Variants in CACNA1G observed in about 807,000 individuals in gnomAD.
CACNA1G encodes voltage-dependent T-type calcium channel subunit alpha-1G.
CACNA1G carries 67 observed loss-of-function variants against 219.4 expected under a neutral mutation model. That is an observed-to-expected ratio of 0.31 (90% CI 0.25 to 0.37). CACNA1G has a LOEUF of 0.37. Ranked by LOEUF, CACNA1G falls within the 10% of genes least tolerant of loss-of-function variation. CACNA1G has a pLI of 1.00. For synonymous variants in CACNA1G, 1,296 were observed against 1,345.3 expected (o/e 0.96, Z 0.80); for missense variants, 2,380 against 3,231.4 (o/e 0.74, Z 6.39).
chr17:50,627,244 T>C lies in CACNA1G; in HGVS notation c.*493T>C, dbSNP rs2053954425. 1 of 453,992 alleles carries C rather than the reference T, an allele frequency of 2.2e-6. No homozygotes were observed. Among genetic ancestry groups the C allele is most frequent in the Non-Finnish European group, 4.4e-6 (1 of 226,844 alleles). The allele number at this position is 453,992 out of a possible 1,614,324, so 28.1% of individuals were successfully genotyped here. On this transcript the variant is annotated 3_prime_UTR_variant, in exon 38 of 38. Transcript: ENST00000359106. ...AGCACAAGCTGGGACCGCGAGCACATTGCAGCCCCAACGGTGGCCCATCTT... is the reference window on the plus strand; with the variant it reads ...AGCACAAGCTGGGACCGCGAGCACACTGCAGCCCCAACGGTGGCCCATCTT...
At chr17:50,597,308 G>A (rs1442150377) in intron 16 of CACNA1G, among the ~76,000 whole-genome samples, 3 of 152,012 alleles carry the variant, frequency 2.0e-5, no homozygotes, top group East Asian at 3.9e-4. Context: ...ACACTACTCC[G>A]AAGCATTCTA....
At chr17:50,623,701 C>T (rs1449232964) in intron 35 of CACNA1G, among the ~76,000 whole-genome samples, 1 of 152,162 alleles carries the variant, frequency 6.6e-6, no homozygotes, top group Non-Finnish European at 1.5e-5. Context: ...CCCCTCCTAC[C>T]TGCTTCCTCC....
rs1238555542 is a variant in CACNA1G at position 50,561,466 on chromosome 17, G to A, written c.7G>A (p.Glu3Lys). The A allele has an allele frequency of 4.6e-6, 7 of 1,534,338 alleles. No individual in the cohort carries two copies. Among genetic ancestry groups the A allele is most frequent in the Non-Finnish European group, 6.1e-6 (7 of 1,146,538 alleles). The stretch of plus-strand genomic sequence containing the variant: ...GGCCCCGGCTGGCCAGAGGATGGAC[G>A]AGGAGGAGGATGGAGCGGGCGCCGA... Reference protein sequence around the residue: MDEEEDGAGAEES... With the variant: MDKEEDGAGAEES... Residue 3 changes from glutamate to lysine, a missense_variant, in exon 1 of 38, where the codon GAG becomes AAG. Physicochemically the swap from Glu to Lys is moderately conservative, Grantham distance 56 (BLOSUM62 1). Transcript: ENST00000359106.
Position 50,596,526 on chromosome 17 carries a change from C to A in CACNA1G, c.2980-36C>A, listed in dbSNP as rs1157592328. The A allele has an allele frequency of 1.3e-6, 2 of 1,583,916 alleles. No individual in the cohort carries two copies. Among genetic ancestry groups the A allele is most frequent in the South Asian group, 1.1e-5 (1 of 90,366 alleles). ...GTCCATCCCAACCACCCAAGCCTGG[C>A]CGGATCCCTAATGGTCCGCTGCTCC... is the stretch of plus-strand genomic sequence containing the variant. On this transcript the variant is annotated intron_variant, in intron 14 of 37. Coordinates refer to ENST00000359106, the MANE Select transcript of CACNA1G (RefSeq NM_018896.5). The surrounding 1 kb of genome is among the most constrained non-coding windows in gnomAD (Gnocchi z 4.8).
chr17:50,624,587 G>C, intron 37 of CACNA1G, 58 bp downstream of exon 37: 1 of 1,435,748 alleles, frequency 7.0e-7, no homozygotes, highest in Middle Eastern at 1.8e-4. Flanking sequence ...TGCTGCTGGT[G>C]ATGACCTGTG....
At chr17:50,611,955 C>T (rs1295078006) in intron 26 of CACNA1G, among the ~76,000 whole-genome samples, 1 of 152,244 alleles carries the variant, frequency 6.6e-6, no homozygotes, top group Non-Finnish European at 1.5e-5. Context: ...CACACGCAGG[C>T]ATGTACACCA....
chr17:50,604,071 G>T, intron 21 of CACNA1G, 84 bp from the exon 22 acceptor site: 1 of 1,440,916 alleles, frequency 6.9e-7, no homozygotes, highest in Non-Finnish European at 9.3e-7. Flanking sequence ...AGTGGTCAAG[G>T]TTGGGGGTGG....
chr17:50,617,502 G>A lies in CACNA1G; in HGVS notation c.5086G>A (p.Glu1696Lys), dbSNP rs763864054. 1.1e-5 allele frequency: 17 copies of A among 1,613,994 alleles called. No individual in the cohort carries two copies. The highest frequency in any genetic ancestry group is 1.7e-5 in the Admixed American group (1 of 60,014). Residue 1696 changes from glutamate to lysine, a missense_variant, in exon 29 of 38, where the codon GAG becomes AAG. Physicochemically the swap from Glu to Lys is moderately conservative, Grantham distance 56. Transcript: ENST00000359106. This position sits in a 1 kb window ranked among gnomAD's most constrained non-coding sequence, Gnocchi z 5.8. ...CATGGGCATCACGCTGGAGGAAATC[G>A]AGGTCAACGCCTCGCTGCCCATCAA... ...SIMGITLEEI[E>K]VNASLPINPT...
chr17:50,617,732 G>C lies in CACNA1G; in HGVS notation c.5156-127G>C, dbSNP rs1475370823. ...GAGGCTGGAGACAGGGCTGAGGATG[G>C]GGATGCAACCTGGCTGGCCCGGAGA... On this transcript the variant is annotated intron_variant, in intron 29 of 37. Coordinates refer to ENST00000359106, the MANE Select transcript of CACNA1G (RefSeq NM_018896.5). This position sits in a 1 kb window ranked among gnomAD's most constrained non-coding sequence, Gnocchi z 5.8. 7.0e-7 allele frequency: 1 copy of C among 1,421,966 alleles called. No individual in the cohort carries two copies. The highest frequency in any genetic ancestry group is 1.4e-5 in the African/African-American group (1 of 71,426). 88.1% of individuals were successfully genotyped at this position (1,421,966 alleles called of 1,614,324 possible).
chr17:50,591,933 G>T lies in CACNA1G; in HGVS notation c.2755-4G>T. Reference sequence around the variant, plus strand: ...AGGCCCTGATTCCTGTCTTCTGCCCGCAGATCCTGACCCAGGAGGACTGGA... The same window carrying T: ...AGGCCCTGATTCCTGTCTTCTGCCCTCAGATCCTGACCCAGGAGGACTGGA... On this transcript the variant is annotated splice_region_variant and splice_polypyrimidine_tract_variant and intron_variant, in intron 12 of 37. Coordinates refer to ENST00000359106, the MANE Select transcript of CACNA1G (RefSeq NM_018896.5). 3.7e-6 allele frequency: 6 copies of T among 1,613,898 alleles called. No individual in the cohort carries two copies. The highest frequency in any genetic ancestry group is 5.1e-6 in the Non-Finnish European group (6 of 1,179,826).
rs1295132518 is a variant in CACNA1G at position 50,576,110 on chromosome 17, G to T, written c.1708G>T (p.Ala570Ser). Residue 570 changes from alanine (A) to serine (S), a missense_variant, in exon 8 of 38, where the codon GCG (alanine) becomes TCG (serine). By Grantham distance (99) the Ala-to-Ser change is moderately conservative (BLOSUM62 1). Transcript: ENST00000359106. ...DCHLEPVRCQ[A>S]PPPRSPSEAS... is the part of the protein sequence containing the mutation. Reference sequence around the variant, plus strand: ...CCACTTAGAGCCAGTCCGCTGCCAGGCGCCCCCTCCCAGGTCCCCATCTGA... The same window carrying T: ...CCACTTAGAGCCAGTCCGCTGCCAGTCGCCCCCTCCCAGGTCCCCATCTGA... 1 of 1,597,024 alleles carries T rather than the reference G, an allele frequency of 6.3e-7. No homozygotes were observed. Among genetic ancestry groups the T allele is most frequent in the Non-Finnish European group, 8.5e-7 (1 of 1,172,908 alleles).
intron 9 of CACNA1G, among the ~76,000 whole-genome samples, chr17:50,585,102 C>T (rs550907751): frequency 2.6e-5 from 4 of 152,192 alleles, no homozygotes; most frequent in Non-Finnish European, 5.9e-5. Flanking sequence ...GGGCTAGACG[C>T]TGTGCAGGTG....
At chr17:50,564,513 GGA>G (rs2037099814) in intron 1 of CACNA1G, among the ~76,000 whole-genome samples, 2 of 138,908 alleles carry the variant, frequency 1.4e-5, no homozygotes, top group Admixed American at 7.1e-5. Context: ...AGTCGGGGGA[GGA>G]GAGGGGGGGG....
intron 16 of CACNA1G, among the ~76,000 whole-genome samples, chr17:50,597,961 A>T (rs1425709733): frequency 6.6e-6 from 1 of 152,212 alleles, no homozygotes; most frequent in Non-Finnish European, 1.5e-5. Flanking sequence ...CATCCATGTT[A>T]TCACAAATGA....
chr17:50,585,733 G>C (rs547007451), intron 9 of CACNA1G, among the ~76,000 whole-genome samples: 2 of 152,132 alleles, frequency 1.3e-5, no homozygotes, highest in Non-Finnish European at 1.5e-5. Context: ...GAGATTTCCA[G>C]GAAACCTCCT....
Position 50,596,664 on chromosome 17 carries a change from G to A in CACNA1G, c.3064+18G>A. 6.2e-7 allele frequency: 1 copy of A among 1,613,750 alleles called. No individual in the cohort carries two copies. The highest frequency in any genetic ancestry group is 1.1e-5 in the South Asian group (1 of 91,076). On this transcript the variant is annotated intron_variant, in intron 15 of 37. Coordinates refer to ENST00000359106, the MANE Select transcript of CACNA1G (RefSeq NM_018896.5). This position sits in a 1 kb window ranked among gnomAD's most constrained non-coding sequence, Gnocchi z 4.8. ...CTTGGCCTGTGAGTACCTATCCTGG[G>A]GTGCGACTTTTGGCCCTGGGCCAGC... is the stretch of plus-strand genomic sequence containing the variant.
chr17:50,602,159 C>A (rs1260884807), intron 19 of CACNA1G, among the ~76,000 whole-genome samples: 1 of 152,250 alleles, frequency 6.6e-6, no homozygotes, highest in African/African-American at 2.4e-5. Context: ...CTCTCACCAT[C>A]TTCCCACTCA....
intron 25 of CACNA1G, among the ~76,000 whole-genome samples, chr17:50,608,431 GAGCAAAGCCTC>G (rs928258807): frequency 1.3e-5 from 2 of 151,570 alleles, no homozygotes; most frequent in Admixed American, 1.3e-4. Flanking sequence ...TGCAGCTGCC[GAGCAAAGCCTC>G]AGCAGATCTC....
At position 50,596,339 on chromosome 17, in the gene CACNA1G, G is replaced by A. The variant is rs758165887; in HGVS notation, c.2980-223G>A. Among the ~76,000 whole-genome samples the A allele has an allele frequency of 6.6e-6, 1 of 152,206 alleles. No individual in the cohort carries two copies. Among genetic ancestry groups the A allele is most frequent in the Non-Finnish European group, 1.5e-5 (1 of 68,024 alleles). ...GTGCTGTGGGCTCACATAAGCTGTG[G>A]CCTTTTCTGAGGTGTGGCTGGAGAG... is the stretch of plus-strand genomic sequence containing the variant. On this transcript the variant is annotated intron_variant, in intron 14 of 37. Transcript: ENST00000359106. The surrounding 1 kb of genome is among the most constrained non-coding windows in gnomAD (Gnocchi z 4.8).
Sources: gnomAD v4.1 joint callset for allele counts (sites outside exome capture counted in the v4.1 genomes callset) on GRCh38, gnomAD v4.1.1 for gene constraint, Gnocchi (gnomAD v3.1) non-coding constraint, MANE v1.5 for transcripts, NCBI Gene and HGNC (gene_info 2026-07-23, HGNC 2026-07-21) for gene names.